Variants in SPOCK1 observed in about 807,000 individuals in gnomAD.
SPOCK1 encodes the protein SPARC (osteonectin), cwcv and kazal like domains proteoglycan 1.
A neutral mutation model predicts 55.3 loss-of-function variants in SPOCK1; 23 were observed. The observed-to-expected ratio is 0.42, with a 90% CI of 0.30 to 0.59. The LOEUF (loss-of-function observed/expected upper bound fraction) is 0.59. SPOCK1 is among the 20% of genes least tolerant of loss of function. SPOCK1 has a pLI of 0.22. For synonymous variants in SPOCK1, 226 were observed against 221.0 expected (o/e 1.02, Z -0.20); for missense variants, 499 against 552.5 (o/e 0.90, Z 0.97).
intron 2 of SPOCK1, among the ~76,000 whole-genome samples, chr5:137,475,372 A>G (rs1039026933): frequency 6.6e-6 from 1 of 152,182 alleles, no homozygotes; most frequent in African/African-American, 2.4e-5. Flanking sequence ...TATCTCACAG[A>G]TCCTGGAATG....
chr5:137,043,994 C>T (rs956609385), intron 6 of SPOCK1, among the ~76,000 whole-genome samples: 9 of 152,142 alleles, frequency 5.9e-5, no homozygotes, highest in African/African-American at 1.9e-4. Context: ...TATCTGGGAA[C>T]TCTCTACTAT....
At chr5:137,257,668 A>G (rs1756663358) in intron 3 of SPOCK1, among the ~76,000 whole-genome samples, 1 of 152,196 alleles carries the variant, frequency 6.6e-6, no homozygotes, top group African/African-American at 2.4e-5. Context: ...GCGATAAGCT[A>G]TCAAAAAACA....
intron 3 of SPOCK1, among the ~76,000 whole-genome samples, chr5:137,183,056 T>C (rs901284312): frequency 6.6e-6 from 1 of 152,182 alleles, no homozygotes; most frequent in Non-Finnish European, 1.5e-5. Context: ...ACATCCCCTA[T>C]AGTCTCTACC....
rs114623947 is a variant in SPOCK1 at position 137,318,047 on chromosome 5, A to G, written c.187-50992T>C. On this transcript the variant is annotated intron_variant, in intron 2 of 10. Coordinates refer to ENST00000394945, the MANE Select transcript of SPOCK1 (RefSeq NM_004598.4). ...AGCCACACAACATACACAAGCACAA[A>G]TGAATTCACCAGACACCTGCAACCA... is the stretch of plus-strand genomic sequence containing the variant. Among the ~76,000 whole-genome samples, 757 of 152,354 alleles carry G rather than the reference A, an allele frequency of 5.0e-3. 7 individuals carry two copies. Among genetic ancestry groups the G allele is most frequent in the African/African-American group, 0.016 (674 of 41,582 alleles).
chr5:137,094,471 T>C (rs185897999), intron 5 of SPOCK1, among the ~76,000 whole-genome samples: 1 of 152,362 alleles, frequency 6.6e-6, no homozygotes, highest in East Asian at 1.9e-4. Context: ...TTTGGCTTCC[T>C]GGTACATATA....
intron 3 of SPOCK1, among the ~76,000 whole-genome samples, chr5:137,186,079 A>G (rs1755064259): frequency 6.6e-6 from 1 of 152,230 alleles, no homozygotes; most frequent in Non-Finnish European, 1.5e-5. Context: ...ACAAGCACAA[A>G]GCCTTCTGAA....
At chr5:137,077,837 A>G (rs1025925492) in intron 5 of SPOCK1, among the ~76,000 whole-genome samples, 33 of 152,238 alleles carry the variant, frequency 2.2e-4, no homozygotes, top group Admixed American at 1.4e-3. Context: ...ATGCTCATAC[A>G]CCCTAGGGCC....
chr5:137,123,161 C>A (rs556399327), intron 4 of SPOCK1, among the ~76,000 whole-genome samples: 2 of 152,328 alleles, frequency 1.3e-5, no homozygotes, highest in South Asian at 4.1e-4. Flanking sequence ...CATTACTTAT[C>A]CCCTGCTCAA....
chr5:137,006,869 C>T (rs544559065), intron 6 of SPOCK1, among the ~76,000 whole-genome samples: 1 of 152,204 alleles, frequency 6.6e-6, no homozygotes, highest in South Asian at 2.1e-4. Flanking sequence ...GAGATATGTT[C>T]CATCAATACC....
chr5:137,046,406 A>C (rs954914402), intron 6 of SPOCK1, among the ~76,000 whole-genome samples: 19 of 152,024 alleles, frequency 1.2e-4, no homozygotes, highest in African/African-American at 4.1e-4. Context: ...TCTTTGAAGC[A>C]ATTGTGAATG....
chr5:137,365,513 A>G (rs1259623779), intron 2 of SPOCK1: 1 of 152,226 alleles, frequency 6.6e-6, no homozygotes, highest in Non-Finnish European at 1.5e-5. Context: ...TAAAAGGAAC[A>G]CCAATGCTGG....
intron 6 of SPOCK1, among the ~76,000 whole-genome samples, chr5:136,994,476 A>G (rs900214902): frequency 6.6e-6 from 1 of 152,252 alleles, no homozygotes; most frequent in South Asian, 2.1e-4. Context: ...CAGACAATGT[A>G]TATAAAGTTC....
chr5:136,985,102 A>ATTAGTTGTTTAAATGAGTGGC (rs1362097967), intron 9 of SPOCK1, 38 bp downstream of exon 9: 1 of 1,593,494 alleles, frequency 6.3e-7, no homozygotes, highest in African/African-American at 1.3e-5. Flanking sequence ...GGCTGGCTTA[A>ATTAGTTGTTTAAATGAGTGGC]TTAGTTGTTT....
intron 3 of SPOCK1, among the ~76,000 whole-genome samples, chr5:137,219,681 C>G (rs1231685113): frequency 6.6e-6 from 1 of 152,202 alleles, no homozygotes; most frequent in Non-Finnish European, 1.5e-5. Flanking sequence ...AGTGCCTTTG[C>G]CCAATGTTCT....
chr5:137,108,403 A>G (rs755855666), intron 5 of SPOCK1, among the ~76,000 whole-genome samples: 1 of 152,204 alleles, frequency 6.6e-6, no homozygotes. Flanking sequence ...AAACTTCTAG[A>G]TGTTCACATA....
chr5:137,166,736 T>C (rs1355705055), intron 3 of SPOCK1, among the ~76,000 whole-genome samples: 1 of 152,084 alleles, frequency 6.6e-6, no homozygotes, highest in Non-Finnish European at 1.5e-5. Context: ...AAGCAGTAAG[T>C]TGTTATCAGC....
At chr5:137,134,219 G>A (rs756425370) in intron 4 of SPOCK1, among the ~76,000 whole-genome samples, 7 of 152,212 alleles carry the variant, frequency 4.6e-5, no homozygotes, top group Non-Finnish European at 7.3e-5. Context: ...GTTGTGAGAA[G>A]TCAGTAAGAT....
At chr5:137,293,869 T>C (rs1236607002) in intron 2 of SPOCK1, among the ~76,000 whole-genome samples, 1 of 151,460 alleles carries the variant, frequency 6.6e-6, no homozygotes, top group Admixed American at 6.6e-5. Flanking sequence ...ACAAAAAAAT[T>C]AGCCGGGCGT....
At chr5:137,118,691 GT>G (rs1753636416) in intron 4 of SPOCK1, among the ~76,000 whole-genome samples, 1 of 152,172 alleles carries the variant, frequency 6.6e-6, no homozygotes, top group Non-Finnish European at 1.5e-5. Context: ...TCAACAATCT[GT>G]GTCAAAAATA....
Sources: allele counts gnomAD v4.1 joint callset (sites outside exome capture counted in the v4.1 genomes callset), GRCh38; gene constraint gnomAD v4.1.1; transcripts MANE v1.5; gene names NCBI Gene and HGNC (gene_info 2026-07-23, HGNC 2026-07-21).